Variants in GADD45B observed in about 807,000 individuals in gnomAD.
GADD45B encodes the protein growth arrest and DNA damage inducible beta.
A neutral mutation model predicts 15.2 loss-of-function variants in GADD45B; 8 were observed. That is an observed-to-expected ratio of 0.53 (90% CI 0.31 to 0.95). The LOEUF (loss-of-function observed/expected upper bound fraction) is 0.95. Among genes scored for constraint, GADD45B ranks in the 40% least tolerant of loss-of-function variants. The probability of loss-of-function intolerance (pLI) is 0.05; values close to 1 mark genes in which losing one functional copy is unlikely to be tolerated. For synonymous variants in GADD45B, 100 were observed against 89.8 expected (o/e 1.11, Z -0.64); for missense variants, 162 against 216.6 (o/e 0.75, Z 1.58).
intron 2 of GADD45B, 169 bp from the exon 3 acceptor site, chr19:2,476,859 TG>T: frequency 1.6e-6 from 1 of 616,236 alleles, no homozygotes; most frequent in South Asian, 1.9e-5. Context: ...CCCCATACTT[TG>T]AACCGTGTGC....
In GADD45B at chr19:2,476,638, A is replaced by AGAC. The variant is rs755302110; in HGVS notation, c.146+9_146+11dup. 33 of 1,511,992 alleles carry AGAC rather than the reference A, an allele frequency of 2.2e-5. 1 individual carries two copies. In the South Asian group the frequency reaches 3.6e-4, roughly 16 times the overall value. 93.7% of individuals were successfully genotyped at this position (1,511,992 alleles called of 1,614,324 possible). On this transcript the variant is annotated intron_variant, in intron 2 of 3. Transcript: ENST00000215631. ...GGCCAAGTTGATGAATGTGTGAGTC[A>AGAC]GACCCCCTTCCCGGGCTGGGCGCGG...
At position 2,477,485 on chromosome 19, in the gene GADD45B, C is replaced by A. The variant is rs1218141111; in HGVS notation, c.370-3C>A. 2 of 1,602,112 alleles carry A rather than the reference C, an allele frequency of 1.2e-6. No individual in the cohort carries two copies. The highest frequency in any genetic ancestry group is 1.7e-6 in the Non-Finnish European group (2 of 1,169,254). ...ACTAAACCCCTTCTTTTCCCTCCTA[C>A]AGAACCCTCACACGGACGCCTGGAA... On this transcript the variant is annotated splice_region_variant and splice_polypyrimidine_tract_variant and intron_variant, in intron 3 of 3. Transcript: ENST00000215631. This position sits in a 1 kb window ranked among gnomAD's most constrained non-coding sequence, Gnocchi z 4.2.
At position 2,477,211 on chromosome 19, in the gene GADD45B, G is replaced by A. The variant is rs1161036838; in HGVS notation, c.329G>A (p.Gly110Asp). Residue 110 changes from glycine to aspartate, a missense_variant, in exon 3 of 4, where the codon GGC becomes GAC. Gly to Asp is a moderately conservative substitution (Grantham distance 94). Transcript: ENST00000215631. The surrounding 1 kb of genome is among the most constrained non-coding windows in gnomAD (Gnocchi z 4.2). ...CTGGGAGAGCCGGCCGAGACCCAGG[G>A]CACCACCGAGGCCCGAGACCTGCAT... is the stretch of plus-strand genomic sequence containing the variant. ...QLLGEPAETQ[G>D]TTEARDLHCL... 3 of 1,604,186 alleles carry A rather than the reference G, an allele frequency of 1.9e-6. No homozygotes were observed. Among genetic ancestry groups the A allele is most frequent in the Non-Finnish European group, 2.5e-6 (3 of 1,178,168 alleles).
At position 2,476,198 on chromosome 19, in the gene GADD45B, T is replaced by C; in HGVS notation, c.-161T>C. The C allele has an allele frequency of 1.4e-6, 1 of 723,146 alleles. No homozygotes were observed. The highest frequency in any genetic ancestry group is 2.4e-6 in the Non-Finnish European group (1 of 408,812). 44.8% of individuals were successfully genotyped at this position (723,146 alleles called of 1,614,324 possible). A position where few individuals can be genotyped will look rare whatever the true frequency, so the allele number is the denominator to read the frequency against. On this transcript the variant is annotated 5_prime_UTR_variant, in exon 1 of 4. Coordinates refer to ENST00000215631, the MANE Select transcript of GADD45B (RefSeq NM_015675.4). ...ATTATCCTCGCCAAGGACTTTGCAATATATTTTTCCGCCTTTTCTGGAAGG... is the reference window on the plus strand; with the variant it reads ...ATTATCCTCGCCAAGGACTTTGCAACATATTTTTCCGCCTTTTCTGGAAGG...
At position 2,478,224 on chromosome 19, in the gene GADD45B, C is replaced by G. The variant is rs1972347058; in HGVS notation, c.*623C>G. 2 of 152,114 alleles carry G rather than the reference C, an allele frequency of 1.3e-5. No homozygotes were observed. Among genetic ancestry groups the G allele is most frequent in the Non-Finnish European group, 2.9e-5 (2 of 68,016 alleles). The allele number at this position is 152,114 out of a possible 1,614,324, so 9.4% of individuals were successfully genotyped here. A position where few individuals can be genotyped will look rare whatever the true frequency, so the allele number is the denominator to read the frequency against. Reference sequence around the variant, plus strand: ...ATAGATATCTATATTTTTATTTCTACTATGAGGGCCTTGTAATAAATTTCT... The same window carrying G: ...ATAGATATCTATATTTTTATTTCTAGTATGAGGGCCTTGTAATAAATTTCT... On this transcript the variant is annotated 3_prime_UTR_variant, in exon 4 of 4. Transcript: ENST00000215631.
At position 2,476,612 on chromosome 19, in the gene GADD45B, C is replaced by T; in HGVS notation, c.128C>T (p.Ser43Leu). 1 of 1,576,204 alleles carries T rather than the reference C, an allele frequency of 6.3e-7. No individual in the cohort carries two copies. Residue 43 changes from serine (S) to leucine (L), a missense_variant, in exon 2 of 4, where the codon TCG becomes TTG. Transcript: ENST00000215631. ...CGCCTCACAGTGGGGGTGTACGAGTCGGCCAAGTTGATGAATGTGTGAGTC... is the reference window on the plus strand; with the variant it reads ...CGCCTCACAGTGGGGGTGTACGAGTTGGCCAAGTTGATGAATGTGTGAGTC... ...QDRLTVGVYE[S>L]AKLMNVDPDS...
intron 2 of GADD45B, 195 bp downstream of exon 2, chr19:2,476,825 C>T (rs932130696): frequency 6.6e-6 from 4 of 607,460 alleles, no homozygotes; most frequent in South Asian, 2.0e-5. Flanking sequence ...AACACCCCTC[C>T]CGCCGTGGGC....
rs1972313298 is a variant in GADD45B at position 2,476,398 on chromosome 19, C to G, written c.40C>G (p.Gln14Glu). 1.2e-6 allele frequency: 2 copies of G among 1,613,286 alleles called. No homozygotes were observed. The highest frequency in any genetic ancestry group is 2.7e-5 in the African/African-American group (2 of 74,848). The change falls in exon 1 of 4, where the codon CAG (glutamine) becomes GAG (glutamate). Residue 14 changes from glutamine to glutamate, a missense_variant. Transcript: ENST00000215631. ...GCTCGTGGCGTGCGACAACGCGGCGCAGAAGTAAGTAGCCGGGGCTGCCGC... is the reference window on the plus strand; with the variant it reads ...GCTCGTGGCGTGCGACAACGCGGCGGAGAAGTAAGTAGCCGGGGCTGCCGC... ...EELVACDNAA[Q>E]KMQTVTAAVE...
rs990338353 is a variant in GADD45B, at chr19:2,478,050, C to T, written c.*449C>T. 6.4e-6 allele frequency: 1 copy of T among 156,564 alleles called. No individual in the cohort carries two copies. The highest frequency in any genetic ancestry group is 2.4e-5 in the African/African-American group (1 of 41,494). 9.7% of individuals were successfully genotyped at this position (156,564 alleles called of 1,614,324 possible). A position where few individuals can be genotyped will look rare whatever the true frequency, so the allele number is the denominator to read the frequency against. On this transcript the variant is annotated 3_prime_UTR_variant, in exon 4 of 4. Transcript: ENST00000215631. ...TTGGTTGAACTTGGTTGGTCCTTGT[C>T]TGCACCCTCGACAAGACCACACTTT...
Position 2,477,620 on chromosome 19 carries a change from A to C in GADD45B, c.*19A>C. The C allele has an allele frequency of 7.2e-7, 1 of 1,379,350 alleles. No homozygotes were observed. Among genetic ancestry groups the C allele is most frequent in the Non-Finnish European group, 1.0e-6 (1 of 967,590 alleles). The allele number at this position is 1,379,350 out of a possible 1,614,324, so 85.4% of individuals were successfully genotyped here. On this transcript the variant is annotated 3_prime_UTR_variant, in exon 4 of 4. Coordinates refer to ENST00000215631, the MANE Select transcript of GADD45B (RefSeq NM_015675.4). This position sits in a 1 kb window ranked among gnomAD's most constrained non-coding sequence, Gnocchi z 4.2. ...ACGCTGAGGCCCTTCCCAGCAGCAG[A>C]ATCTGTTGAGTTGCTGCCACAAACA...
At chr19:2,476,442 A>T in intron 1 of GADD45B, 40 bp downstream of exon 1, 2 of 1,606,954 alleles carry the variant, frequency 1.2e-6, no homozygotes, top group Non-Finnish European at 1.7e-6. Flanking sequence ...GTCAGCCGGG[A>T]CGGGATGGGT....
Position 2,477,630 on chromosome 19 carries a change from G to A in GADD45B, c.*29G>A. 2.4e-6 allele frequency: 3 copies of A among 1,235,984 alleles called. No individual in the cohort carries two copies. Among genetic ancestry groups the A allele is most frequent in the African/African-American group, 1.5e-5 (1 of 67,698 alleles). 76.6% of individuals were successfully genotyped at this position (1,235,984 alleles called of 1,614,324 possible). On this transcript the variant is annotated 3_prime_UTR_variant, in exon 4 of 4. Coordinates refer to ENST00000215631, the MANE Select transcript of GADD45B (RefSeq NM_015675.4). This position sits in a 1 kb window ranked among gnomAD's most constrained non-coding sequence, Gnocchi z 4.2. ...CCTTCCCAGCAGCAGAATCTGTTGA[G>A]TTGCTGCCACAAACAAAAAATACAA...
Position 2,477,189 on chromosome 19 carries a change from G to A in GADD45B, c.307G>A (p.Gly103Arg), listed in dbSNP as rs371665586. 1.9e-6 allele frequency: 3 copies of A among 1,611,192 alleles called. No homozygotes were observed. The highest frequency in any genetic ancestry group is 1.3e-5 in the African/African-American group (1 of 75,050). ...CATGCAGCGCCTGGCGCAGCTCCTGGGAGAGCCGGCCGAGACCCAGGGCAC... is the reference window on the plus strand; with the variant it reads ...CATGCAGCGCCTGGCGCAGCTCCTGAGAGAGCCGGCCGAGACCCAGGGCAC... ...SGMQRLAQLL[G>R]EPAETQGTTE... The change falls in exon 3 of 4, where the codon GGA becomes AGA. Residue 103 changes from glycine to arginine, a missense_variant. By Grantham distance (125) the Gly-to-Arg change is moderately radical. Transcript: ENST00000215631. The surrounding 1 kb of genome is among the most constrained non-coding windows in gnomAD (Gnocchi z 4.2).
rs766380907 is a variant in GADD45B at position 2,477,492 on chromosome 19, C to T, written c.374C>T (p.Pro125Leu). Residue 125 changes from proline (P) to leucine (L), a missense_variant, in exon 4 of 4, where the codon CCT becomes CTT. Coordinates refer to ENST00000215631, the MANE Select transcript of GADD45B (RefSeq NM_015675.4). The surrounding 1 kb of genome is among the most constrained non-coding windows in gnomAD (Gnocchi z 4.2). ...CCCTTCTTTTCCCTCCTACAGAACC[C>T]TCACACGGACGCCTGGAAGAGCCAC... ...RDLHCLLVTNPHTDAWKSHGL... is the reference protein window; with the variant it reads ...RDLHCLLVTNLHTDAWKSHGL... 1.2e-6 allele frequency: 2 copies of T among 1,609,672 alleles called. No individual in the cohort carries two copies. The highest frequency in any genetic ancestry group is 1.7e-6 in the Non-Finnish European group (2 of 1,176,054).
In GADD45B at chr19:2,477,675, C is replaced by T; in HGVS notation, c.*74C>T. 2 of 676,752 alleles carry T rather than the reference C, an allele frequency of 3.0e-6. No individual in the cohort carries two copies. The highest frequency in any genetic ancestry group is 4.6e-5 in the Admixed American group (2 of 43,448). The allele number at this position is 676,752 out of a possible 1,614,324, so 41.9% of individuals were successfully genotyped here. A position where few individuals can be genotyped will look rare whatever the true frequency, so the allele number is the denominator to read the frequency against. On this transcript the variant is annotated 3_prime_UTR_variant, in exon 4 of 4. Transcript: ENST00000215631. This position sits in a 1 kb window ranked among gnomAD's most constrained non-coding sequence, Gnocchi z 4.2. ...ATACAATAAATATTTGAACCCCCTC[C>T]CCCCCAGCACAACCCCCCCAAAACA... is the stretch of plus-strand genomic sequence containing the variant.
In GADD45B at chr19:2,477,285, C is replaced by CAGGTGCCCGGGCGTGGCG; in HGVS notation, c.369+34_369+35insAGGTGCCCGGGCGTGGCG. 1 of 1,389,566 alleles carries CAGGTGCCCGGGCGTGGCG rather than the reference C, an allele frequency of 7.2e-7. No individual in the cohort carries two copies. The highest frequency in any genetic ancestry group is 9.8e-7 in the Non-Finnish European group (1 of 1,019,546). The allele number at this position is 1,389,566 out of a possible 1,614,324, so 86.1% of individuals were successfully genotyped here. A position where few individuals can be genotyped will look rare whatever the true frequency, so the allele number is the denominator to read the frequency against. On this transcript the variant is annotated intron_variant, in intron 3 of 3. Coordinates refer to ENST00000215631, the MANE Select transcript of GADD45B (RefSeq NM_015675.4). This position sits in a 1 kb window ranked among gnomAD's most constrained non-coding sequence, Gnocchi z 4.2. ...GGCCTCTGCCCTGCCCCGCCACGCCCGGGCACCTGGGCCGGTGTTTGTCAA... is the reference window on the plus strand; with the variant it reads ...GGCCTCTGCCCTGCCCCGCCACGCCCAGGTGCCCGGGCGTGGCGGGGCACCTGGGCCGGTGTTTGTCAA...
In GADD45B at chr19:2,476,409, A is replaced by G. The variant is rs1430906949; in HGVS notation, c.44+7A>G. 1 of 1,612,890 alleles carries G rather than the reference A, an allele frequency of 6.2e-7. No homozygotes were observed. The highest frequency in any genetic ancestry group is 8.5e-7 in the Non-Finnish European group (1 of 1,179,518). The stretch of plus-strand genomic sequence containing the variant: ...GCGACAACGCGGCGCAGAAGTAAGT[A>G]GCCGGGGCTGCCGCCGCCTGAGGTC... On this transcript the variant is annotated splice_region_variant and intron_variant, in intron 1 of 3. Transcript: ENST00000215631.
chr19:2,476,529 G>A lies in GADD45B; in HGVS notation c.45G>A (p.Lys15=), dbSNP rs1260181854. 8 of 1,606,772 alleles carry A rather than the reference G, an allele frequency of 5.0e-6. No homozygotes were observed. The highest frequency in any genetic ancestry group is 3.4e-5 in the Admixed American group (2 of 59,502). ...ACTGATCCCTCTTTCCTGGTCTCAG[G>A]ATGCAGACGGTGACCGCCGCGGTGG... is the stretch of plus-strand genomic sequence containing the variant. ...ELVACDNAAQ[K]MQTVTAAVEE... is the part of the protein sequence containing the mutation. The change falls in exon 2 of 4, where the codon AAG becomes AAA. Residue 15 remains lysine, a splice_region_variant and synonymous_variant. Transcript: ENST00000215631.
rs899307907 is a variant in GADD45B at position 2,476,580 on chromosome 19, C to G, written c.96C>G (p.Arg32=). 13 of 1,602,680 alleles carry G rather than the reference C, an allele frequency of 8.1e-6. No individual in the cohort carries two copies. The highest frequency in any genetic ancestry group is 1.3e-5 in the African/African-American group (1 of 74,720). Residue 32 remains arginine (R), a synonymous_variant, in exon 2 of 4, where the codon CGC becomes CGG. Coordinates refer to ENST00000215631, the MANE Select transcript of GADD45B (RefSeq NM_015675.4). Reference sequence around the variant, plus strand: ...AGGAGCTTTTGGTGGCCGCTCAGCGCCAGGATCGCCTCACAGTGGGGGTGT... The same window carrying G: ...AGGAGCTTTTGGTGGCCGCTCAGCGGCAGGATCGCCTCACAGTGGGGGTGT... ...AVEELLVAAQ[R]QDRLTVGVYE...
Sources: gnomAD v4.1 joint callset for allele counts on GRCh38, gnomAD v4.1.1 for gene constraint, Gnocchi (gnomAD v3.1) non-coding constraint, MANE v1.5 for transcripts, NCBI Gene and HGNC (gene_info 2026-07-23, HGNC 2026-07-21) for gene names.